The following TNR variants were observed in gnomAD, a reference collection of about 807,000 sequenced individuals.
The protein encoded by TNR is tenascin R.
In TNR, 45 loss-of-function variants were observed where a neutral mutation model predicts 150.4. That is an observed-to-expected ratio of 0.30 (90% CI 0.24 to 0.38). The LOEUF is 0.38. Among genes scored for constraint, TNR ranks in the 10% least tolerant of loss-of-function variants. TNR has a pLI of 1.00. For synonymous variants in TNR, 687 were observed against 678.4 expected (o/e 1.01, Z -0.20); for missense variants, 1,544 against 1,759.1 (o/e 0.88, Z 2.19).
At chr1:175,700,954 A>G (rs1467118944) in intron 1 of TNR, among the ~76,000 whole-genome samples, 1 of 152,114 alleles carries the variant, frequency 6.6e-6, no homozygotes, top group Non-Finnish European at 1.5e-5. Context: ...CATCCAAATA[A>G]ATACCCATCT....
chr1:175,465,660 A>T (rs567841317), intron 2 of TNR, among the ~76,000 whole-genome samples: 2 of 152,144 alleles, frequency 1.3e-5, no homozygotes, highest in South Asian at 4.1e-4. Flanking sequence ...AAAGGAAAGG[A>T]GGAAGGAACA....
chr1:175,379,422 G>A (rs1310324766), intron 9 of TNR, 130 bp downstream of exon 9: 4 of 744,756 alleles, frequency 5.4e-6, no homozygotes, highest in Non-Finnish European at 8.8e-6. Context: ...CTAGACATAT[G>A]TGCTAGGCAC....
At chr1:175,648,069 C>T (rs1206440038) in intron 1 of TNR, among the ~76,000 whole-genome samples, 1 of 152,052 alleles carries the variant, frequency 6.6e-6, no homozygotes, top group African/African-American at 2.4e-5. Flanking sequence ...ACACCCTCCA[C>T]CCATCAGAAT....
At chr1:175,487,529 G>A (rs1013048594) in intron 2 of TNR, among the ~76,000 whole-genome samples, 1 of 152,180 alleles carries the variant, frequency 6.6e-6, no homozygotes, top group Non-Finnish European at 1.5e-5. Flanking sequence ...TGGCTACCAT[G>A]GTTTTCTGTA....
chr1:175,367,421 C>A, intron 9 of TNR, 124 bp from the exon 10 acceptor site: 1 of 787,034 alleles, frequency 1.3e-6, no homozygotes. Context: ...CTTGAATCCT[C>A]TCCTAATTTG....
At position 175,743,233 on chromosome 1, in the gene TNR, G is replaced by T. The variant is rs77151608; in HGVS notation, c.-172C>A. 6.6e-6 allele frequency: 1 copy of T among 152,312 alleles called. No homozygotes were observed. The highest frequency in any genetic ancestry group is 2.4e-5 in the African/African-American group (1 of 41,446). The allele number at this position is 152,312 out of a possible 1,614,324, so 9.4% of individuals were successfully genotyped here. A position where few individuals can be genotyped will look rare whatever the true frequency, so the allele number is the denominator to read the frequency against. On this transcript the variant is annotated 5_prime_UTR_variant, in exon 1 of 23. Coordinates refer to ENST00000367674, the MANE Select transcript of TNR (RefSeq NM_003285.3). ...CGAGTGCTCTGGACTTACCCAGGCT[G>T]GGGGTGGGCGGCCGGGGAGCGAGAG...
chr1:175,621,181 C>T (rs115839402), intron 1 of TNR, among the ~76,000 whole-genome samples: 1 of 152,188 alleles, frequency 6.6e-6, no homozygotes, highest in Admixed American at 6.5e-5. Context: ...TGTATTGTGA[C>T]CAACTGATGG....
At chr1:175,446,911 T>C (rs1207258561) in intron 2 of TNR, among the ~76,000 whole-genome samples, 1 of 152,224 alleles carries the variant, frequency 6.6e-6, no homozygotes, top group Non-Finnish European at 1.5e-5. Flanking sequence ...GTAATGGGCA[T>C]GCATGTATGT....
In TNR at chr1:175,512,610, G is replaced by C. The variant is rs556011703; in HGVS notation, c.-64+15659C>G. 3.3e-5 allele frequency among the ~76,000 whole-genome samples: 5 copies of C among 152,352 alleles called. No homozygotes were observed. In the East Asian group the frequency reaches 9.7e-4, roughly 29 times the overall value. The stretch of plus-strand genomic sequence containing the variant: ...GTCATATTCTCTGCCTAGGAATTTA[G>C]AATGGAGACTAAAAGAGTGCTAATC... On this transcript the variant is annotated intron_variant, in intron 2 of 22. Coordinates refer to ENST00000367674, the MANE Select transcript of TNR (RefSeq NM_003285.3).
chr1:175,413,636 T>G (rs144562154), intron 2 of TNR, among the ~76,000 whole-genome samples: 11 of 151,468 alleles, frequency 7.3e-5, no homozygotes, highest in African/African-American at 2.7e-4. Flanking sequence ...TGAGTAAGAG[T>G]CCAGGACTAG....
At position 175,365,221 on chromosome 1, in the gene TNR, G is replaced by T. The variant is rs201306618; in HGVS notation, c.2376C>A (p.Ile792=). The T allele has an allele frequency of 2.1e-5, 34 of 1,613,952 alleles. No individual in the cohort carries two copies. The highest frequency in any genetic ancestry group is 2.8e-5 in the Non-Finnish European group (33 of 1,179,984). The change falls in exon 12 of 23, where the codon ATC becomes ATA. Residue 792 remains isoleucine, a synonymous_variant. Transcript: ENST00000367674. ...FSHVTSSSVN[I]TWSDPSPPAD... ...CTGGGGGAGATGGATCACTCCAAGTGATGTTCACACTGGAGGAGGTCACAT... is the reference window on the plus strand; with the variant it reads ...CTGGGGGAGATGGATCACTCCAAGTTATGTTCACACTGGAGGAGGTCACAT...
chr1:175,656,103 A>C (rs1419012271), intron 1 of TNR, among the ~76,000 whole-genome samples: 1 of 150,722 alleles, frequency 6.6e-6, no homozygotes, highest in Non-Finnish European at 1.5e-5. Flanking sequence ...CCTTTAAAAA[A>C]ATCTATCCTT....
chr1:175,735,213 C>T (rs1412287338), intron 1 of TNR, among the ~76,000 whole-genome samples: 4 of 152,198 alleles, frequency 2.6e-5, no homozygotes, highest in Non-Finnish European at 5.9e-5. Flanking sequence ...CTCCCAGCAC[C>T]TGGATAGACA....
At chr1:175,431,997 G>A (rs1297115678) in intron 2 of TNR, among the ~76,000 whole-genome samples, 2 of 148,328 alleles carry the variant, frequency 1.3e-5, no homozygotes, top group Non-Finnish European at 3.0e-5. Flanking sequence ...TCCAAGGCTT[G>A]AGACCTTGTT....
At chr1:175,447,348 T>A (rs1352217051) in intron 2 of TNR, among the ~76,000 whole-genome samples, 1 of 152,086 alleles carries the variant, frequency 6.6e-6, no homozygotes, top group Admixed American at 6.6e-5. Context: ...TTCTCCCCAC[T>A]CCTCCTTCTC....
intron 9 of TNR, among the ~76,000 whole-genome samples, chr1:175,371,887 T>C (rs1230873751): frequency 6.6e-6 from 1 of 152,186 alleles, no homozygotes; most frequent in Admixed American, 6.5e-5. Flanking sequence ...CAACTTGGAA[T>C]TCGAGAGTGA....
In TNR at chr1:175,323,112, G is replaced by A. The variant is rs1313301694; in HGVS notation, c.*245C>T. ...AGAAAACTTCCTACTTCTCCTCCTT[G>A]GTGGGAAAGGAGGTGAAGGTTGAGG... is the stretch of plus-strand genomic sequence containing the variant. On this transcript the variant is annotated 3_prime_UTR_variant, in exon 23 of 23. Transcript: ENST00000367674. 1.0e-5 allele frequency: 4 copies of A among 397,012 alleles called. No individual in the cohort carries two copies. The highest frequency in any genetic ancestry group is 1.8e-5 in the Non-Finnish European group (4 of 223,930). The allele number at this position is 397,012 out of a possible 1,614,324, so 24.6% of individuals were successfully genotyped here.
intron 1 of TNR, among the ~76,000 whole-genome samples, chr1:175,701,022 T>C (rs1364499285): frequency 1.3e-5 from 2 of 152,216 alleles, no homozygotes; most frequent in East Asian, 3.9e-4. Context: ...TCCCTTTGCC[T>C]CTGCAATTCC....
Position 175,316,119 on chromosome 1 carries a change from A to AAAG in TNR, c.*7235_*7237dup, listed in dbSNP as rs1319149643. 1 of 152,214 alleles carries AAAG rather than the reference A, an allele frequency of 6.6e-6. No homozygotes were observed. The highest frequency in any genetic ancestry group is 2.4e-5 in the African/African-American group (1 of 41,450). 9.4% of individuals were successfully genotyped at this position (152,214 alleles called of 1,614,324 possible). On this transcript the variant is annotated 3_prime_UTR_variant, in exon 23 of 23. Coordinates refer to ENST00000367674, the MANE Select transcript of TNR (RefSeq NM_003285.3). ...CTTTATATATAAACATCATTCAATT[A>AAAG]AAGGGAAGGGGTTTATGTCTGGAGT...
Sources: allele counts gnomAD v4.1 joint callset (sites outside exome capture counted in the v4.1 genomes callset), GRCh38; gene constraint gnomAD v4.1.1; transcripts MANE v1.5; gene names NCBI Gene and HGNC (gene_info 2026-07-23, HGNC 2026-07-21).